The following PPIP5K2 variants were observed in gnomAD, a reference collection of about 807,000 sequenced individuals.
PPIP5K2 encodes inositol hexakisphosphate and diphosphoinositol-pentakisphosphate kinase 2.
In PPIP5K2, 105 loss-of-function variants were observed where a neutral mutation model predicts 154.6. That is an observed-to-expected ratio of 0.68 (90% confidence interval 0.58 to 0.80). The LOEUF is 0.80. Ranked by LOEUF, PPIP5K2 falls within the 30% of genes least tolerant of loss-of-function variation. PPIP5K2 has a pLI of 0.00. For synonymous variants in PPIP5K2, 480 were observed against 490.3 expected (o/e 0.98, Z 0.28); for missense variants, 992 against 1,504.6 (o/e 0.66, Z 5.64).
At chr5:103,142,361 G>T (rs1202646747) in intron 5 of PPIP5K2, among the ~76,000 whole-genome samples, 1 of 152,178 alleles carries the variant, frequency 6.6e-6, no homozygotes, top group Non-Finnish European at 1.5e-5. Flanking sequence ...CGCCCACCCA[G>T]AACTCCAGCT....
intron 29 of PPIP5K2, 43 bp from the exon 30 acceptor site, chr5:103,194,857 G>A: frequency 1.9e-6 from 3 of 1,577,304 alleles, no homozygotes; most frequent in Non-Finnish European, 2.6e-6. Flanking sequence ...GAGATAATTG[G>A]CAGGAAATTA....
Position 103,209,547 on chromosome 5 carries a change from G to C in PPIP5K2, c.*7913G>C, listed in dbSNP as rs1803692081. ...ATACCCATTTTAAAGCAGTTAGAAA[G>C]ATGTAACTTGACAAGGAAAGCAGTC... On this transcript the variant is annotated 3_prime_UTR_variant, in exon 31 of 31. Transcript: ENST00000358359. The C allele has an allele frequency of 6.6e-6, 1 of 152,122 alleles. No homozygotes were observed. Among genetic ancestry groups the C allele is most frequent in the African/African-American group, 2.4e-5 (1 of 41,426 alleles). 9.4% of individuals were successfully genotyped at this position (152,122 alleles called of 1,614,324 possible).
At chr5:103,166,442 C>T (rs1797129647) in intron 17 of PPIP5K2, among the ~76,000 whole-genome samples, 1 of 151,744 alleles carries the variant, frequency 6.6e-6, no homozygotes, top group African/African-American at 2.4e-5. Flanking sequence ...TGTTTGTTTC[C>T]TAATCTTAAA....
chr5:103,176,872 G>T (rs1554221122), intron 21 of PPIP5K2: 1 of 1,431,700 alleles, frequency 7.0e-7, no homozygotes, highest in Non-Finnish European at 9.5e-7. Flanking sequence ...AAAGACCAAT[G>T]ATTCTCAGAA....
chr5:103,170,113 A>T (rs1309796291), intron 19 of PPIP5K2, among the ~76,000 whole-genome samples: 1 of 151,606 alleles, frequency 6.6e-6, no homozygotes, highest in African/African-American at 2.4e-5. Flanking sequence ...AAGAAAACTC[A>T]AGTGTTAACA....
chr5:103,137,325 G>T (rs1234558690), intron 4 of PPIP5K2, among the ~76,000 whole-genome samples: 4 of 151,968 alleles, frequency 2.6e-5, no homozygotes, highest in African/African-American at 7.2e-5. Context: ...ACCACGCCCA[G>T]CTAATTTTTT....
chr5:103,158,124 G>C, intron 14 of PPIP5K2, 64 bp from the exon 15 acceptor site: 3 of 1,527,492 alleles, frequency 2.0e-6, no homozygotes, highest in Non-Finnish European at 1.8e-6. Flanking sequence ...AGAAAAAAAT[G>C]AATCTTAAGT....
Position 103,211,086 on chromosome 5 carries a change from G to GTTTTGTCAGTTGTTTAAACCCTTGTCA in PPIP5K2, c.*9452_*9453insTTTTGTCAGTTGTTTAAACCCTTGTCA, listed in dbSNP as rs1554232565. On this transcript the variant is annotated 3_prime_UTR_variant, in exon 31 of 31. Transcript: ENST00000358359. ...TATGCATTATTACCCTTGTCTGAGT[G>GTTTTGTCAGTTGTTTAAACCCTTGTCA]GTTGTTTAAACTGACATCTGTAAAA... 2.0e-5 allele frequency: 3 copies of GTTTTGTCAGTTGTTTAAACCCTTGTCA among 152,030 alleles called. No individual in the cohort carries two copies. The highest frequency in any genetic ancestry group is 4.4e-5 in the Non-Finnish European group (3 of 67,958). 9.4% of individuals were successfully genotyped at this position (152,030 alleles called of 1,614,324 possible).
rs782313497 is a variant in PPIP5K2, at chr5:103,173,111, T to G, written c.2287-44T>G. 14 of 1,496,400 alleles carry G rather than the reference T, an allele frequency of 9.4e-6. No individual in the cohort carries two copies. In the East Asian group the frequency reaches 3.3e-4, roughly 35 times the overall value. 92.7% of individuals were successfully genotyped at this position (1,496,400 alleles called of 1,614,324 possible). A position where few individuals can be genotyped will look rare whatever the true frequency, so the allele number is the denominator to read the frequency against. The stretch of plus-strand genomic sequence containing the variant: ...TAGGAGTGTATTTTTTTAGAGTACT[T>G]TGTCATTATATCCTTTTTCTAATGT... On this transcript the variant is annotated intron_variant, in intron 19 of 30. Transcript: ENST00000358359.
At chr5:103,180,852 A>G (rs1554222579) in intron 24 of PPIP5K2, among the ~76,000 whole-genome samples, 1 of 151,264 alleles carries the variant, frequency 6.6e-6, no homozygotes, top group African/African-American at 2.4e-5. Flanking sequence ...TCTCCCCAAA[A>G]AAAAAAAAAA....
chr5:103,180,603 A>G (rs1450934631), intron 24 of PPIP5K2, among the ~76,000 whole-genome samples: 1 of 152,064 alleles, frequency 6.6e-6, no homozygotes, highest in Non-Finnish European at 1.5e-5. Context: ...TAATCCCAGC[A>G]CTTTGGGAGG....
At chr5:103,169,694 G>A (rs1042761858) in intron 19 of PPIP5K2, among the ~76,000 whole-genome samples, 2 of 151,610 alleles carry the variant, frequency 1.3e-5, no homozygotes, top group Non-Finnish European at 3.0e-5. Flanking sequence ...TTACGAATAC[G>A]TCTTTAGGCC....
chr5:103,162,677 A>T (rs1554216365), intron 17 of PPIP5K2, among the ~76,000 whole-genome samples: 4 of 152,090 alleles, frequency 2.6e-5, no homozygotes, highest in Non-Finnish European at 4.4e-5. Context: ...ATATCTTTTG[A>T]TAAGCAAAAG....
rs910833969 is a variant in PPIP5K2, at chr5:103,120,328, C to G, written c.-445C>G. The G allele has an allele frequency of 4.5e-5, 20 of 443,088 alleles. No homozygotes were observed. The highest frequency in any genetic ancestry group is 6.9e-5 in the Non-Finnish European group (15 of 218,838). The allele number at this position is 443,088 out of a possible 1,614,324, so 27.4% of individuals were successfully genotyped here. On this transcript the variant is annotated 5_prime_UTR_variant, in exon 1 of 31. Transcript: ENST00000358359. ...AGTAGCCTGAGGTTCCCTTATGTGGCCCTATAGCTGTTACTGAAGGAAGTA... is the reference window on the plus strand; with the variant it reads ...AGTAGCCTGAGGTTCCCTTATGTGGGCCTATAGCTGTTACTGAAGGAAGTA...
At chr5:103,197,569 ATTTTTTTT>A (rs782156090) in intron 30 of PPIP5K2, among the ~76,000 whole-genome samples, 27 of 86,978 alleles carry the variant, frequency 3.1e-4, no homozygotes, top group African/African-American at 1.3e-3. Flanking sequence ...TAAAACACAA[ATTTTTTTT>A]TTTTTTTTTT....
intron 29 of PPIP5K2, among the ~76,000 whole-genome samples, chr5:103,191,784 A>G (rs1179749447): frequency 3.9e-5 from 6 of 152,146 alleles, no homozygotes; most frequent in Admixed American, 2.0e-4. Flanking sequence ...ATTCCTCAGT[A>G]CTTTGGAAAT....
At chr5:103,128,313 A>G (rs1554201429) in intron 1 of PPIP5K2, among the ~76,000 whole-genome samples, 1 of 152,166 alleles carries the variant, frequency 6.6e-6, no homozygotes, top group East Asian at 1.9e-4. Context: ...ATTAATTTTA[A>G]TATGACCAGG....
chr5:103,161,486 G>A (rs1274446079), intron 17 of PPIP5K2, among the ~76,000 whole-genome samples: 2 of 152,030 alleles, frequency 1.3e-5, no homozygotes, highest in African/African-American at 4.8e-5. Context: ...GTAATGGGAT[G>A]GCTGGGTCAA....
intron 9 of PPIP5K2, among the ~76,000 whole-genome samples, chr5:103,152,126 A>G (rs1794726565): frequency 6.6e-6 from 1 of 151,970 alleles, no homozygotes; most frequent in Admixed American, 6.5e-5. Context: ...AAGATTTACA[A>G]ACTTACCCTT....
Sources: allele counts gnomAD v4.1 joint callset (sites outside exome capture counted in the v4.1 genomes callset), GRCh38; gene constraint gnomAD v4.1.1; transcripts MANE v1.5; gene names NCBI Gene and HGNC (gene_info 2026-07-23, HGNC 2026-07-21).